TLN2: variants seen among roughly 807,000 people sequenced by gnomAD.
TLN2 encodes talin-2.
Under a neutral mutation model 294.7 loss-of-function variants are expected in TLN2, and 118 were observed. That is an observed-to-expected ratio of 0.40 (90% CI 0.34 to 0.47). TLN2 has a LOEUF of 0.47. Ranked by LOEUF, TLN2 falls within the 20% of genes least tolerant of loss-of-function variation. TLN2 has a pLI of 0.84. For missense variants in TLN2, 3,083 were observed against 3,282.2 expected (o/e 0.94, Z 1.48); for synonymous variants, 1,431 against 1,304.5 (o/e 1.10, Z -2.09).
intron 43 of TLN2, among the ~76,000 whole-genome samples, chr15:62,778,271 C>G (rs895625501): frequency 6.6e-6 from 1 of 152,206 alleles, no homozygotes; most frequent in Admixed American, 6.5e-5. Flanking sequence ...GTGGGCTTCT[C>G]ATGCTGCAAA....
At chr15:62,544,970 C>G (rs2041908821) in intron 1 of TLN2, among the ~76,000 whole-genome samples, 1 of 151,984 alleles carries the variant, frequency 6.6e-6, no homozygotes, top group South Asian at 2.1e-4. Flanking sequence ...CGCTCTGTCG[C>G]CCAAGCTGGA....
intron 1 of TLN2, among the ~76,000 whole-genome samples, chr15:62,486,954 A>G (rs1288378811): frequency 1.3e-5 from 2 of 152,144 alleles, no homozygotes; most frequent in Non-Finnish European, 2.9e-5. Flanking sequence ...ATTTGAACAC[A>G]CCGTTAATCT....
At chr15:62,831,097 G>A (rs914278815) in intron 54 of TLN2, 11 of 149,772 alleles carry the variant, frequency 7.3e-5, no homozygotes, top group Non-Finnish European at 1.3e-4. Flanking sequence ...CGTAAAATCA[G>A]TTGTGATGAG....
Position 62,652,133 on chromosome 15 carries a change from A to C in TLN2, c.363A>C (p.Ile121=). 6.3e-7 allele frequency: 1 copy of C among 1,580,930 alleles called. No individual in the cohort carries two copies. Among genetic ancestry groups the C allele is most frequent in the South Asian group, 1.2e-5 (1 of 84,362 alleles). The change falls in exon 6 of 59, where the codon ATA becomes ATC. Residue 121 remains isoleucine, a splice_region_variant and synonymous_variant. Transcript: ENST00000636159. ...TCCTGGTCACTATTTGTAGCAGAAT[A>C]GGTGAGCATTCATACACCTTCATTA... The part of the protein sequence containing the change: ...GELLVTICSR[I]GITNYEEYSL...
intron 1 of TLN2, among the ~76,000 whole-genome samples, chr15:62,411,507 G>T (rs2033778875): frequency 6.7e-6 from 1 of 149,896 alleles, no homozygotes; most frequent in African/African-American, 2.5e-5. Context: ...GCCCTTGTAG[G>T]CAACCTCAGG....
At chr15:62,631,524 T>C in intron 3 of TLN2, among the ~76,000 whole-genome samples, 1 of 56,106 alleles carries the variant, frequency 1.8e-5, no homozygotes, top group Admixed American at 2.0e-4. Flanking sequence ...CTTTCTTCCT[T>C]TCCTTTCCTT....
At chr15:62,630,587 A>AT (rs564983842) in intron 3 of TLN2, among the ~76,000 whole-genome samples, 10 of 152,024 alleles carry the variant, frequency 6.6e-5, no homozygotes, top group South Asian at 4.2e-4. Context: ...TTTGACATTG[A>AT]TTTTTTTTAT....
At chr15:62,813,058 A>C (rs545613932) in intron 52 of TLN2, among the ~76,000 whole-genome samples, 2 of 152,276 alleles carry the variant, frequency 1.3e-5, no homozygotes, top group South Asian at 4.2e-4. Flanking sequence ...ATCTCATCTC[A>C]TGGAGGCTGG....
At chr15:62,790,975 G>C (rs973528016) in intron 45 of TLN2, among the ~76,000 whole-genome samples, 1 of 152,158 alleles carries the variant, frequency 6.6e-6, no homozygotes. Flanking sequence ...GCTTAATTAT[G>C]AAATGTCTGT....
rs58665636 is a variant in TLN2 at position 62,549,480 on chromosome 15, G to GCATCCATCCATCCATCCATCCATC, written c.-237-40188_-237-40165dup. ...CTCAGAGGCCTGCCATGCATGCCAT[G>GCATCCATCCATCCATCCATCCATC]CATCCATCCATCCATCCATCCATCC... On this transcript the variant is annotated intron_variant, in intron 1 of 58. Transcript: ENST00000636159. Among the ~76,000 whole-genome samples the GCATCCATCCATCCATCCATCCATC allele has an allele frequency of 2.3e-3, 343 of 147,862 alleles. 5 individuals carry two copies. Among genetic ancestry groups the GCATCCATCCATCCATCCATCCATC allele is most frequent in the African/African-American group, 5.9e-3 (236 of 39,708 alleles).
intron 1 of TLN2, among the ~76,000 whole-genome samples, chr15:62,483,308 T>C (rs1193244666): frequency 6.6e-6 from 1 of 152,162 alleles, no homozygotes; most frequent in Non-Finnish European, 1.5e-5. Flanking sequence ...CCCTGCAGGG[T>C]GAGCTCTGCT....
chr15:62,574,163 C>T (rs2044176675), intron 1 of TLN2, among the ~76,000 whole-genome samples: 1 of 150,720 alleles, frequency 6.6e-6, no homozygotes, highest in African/African-American at 2.5e-5. Context: ...TCTCCAGGGA[C>T]TGTCACTTCA....
intron 42 of TLN2, among the ~76,000 whole-genome samples, chr15:62,774,751 A>G (rs2063579418): frequency 6.6e-6 from 1 of 152,150 alleles, no homozygotes. Context: ...ATATGCTTTT[A>G]TAGATTTCAG....
At chr15:62,560,626 A>C (rs905453649) in intron 1 of TLN2, among the ~76,000 whole-genome samples, 2 of 152,212 alleles carry the variant, frequency 1.3e-5, no homozygotes. Flanking sequence ...ATGCCTGGCC[A>C]ATACCCCATG....
intron 1 of TLN2, among the ~76,000 whole-genome samples, chr15:62,551,618 G>A (rs1202700348): frequency 6.6e-6 from 1 of 152,090 alleles, no homozygotes; most frequent in African/African-American, 2.4e-5. Flanking sequence ...AGAATCACTT[G>A]AACCTGGGAG....
intron 54 of TLN2, chr15:62,824,040 C>A: frequency 1.9e-6 from 1 of 522,328 alleles, no homozygotes; most frequent in Non-Finnish European, 4.0e-6. Context: ...CAGTGTCTTG[C>A]CCTGTCTCCG....
At chr15:62,623,072 G>A (rs2048973453) in intron 3 of TLN2, among the ~76,000 whole-genome samples, 1 of 152,186 alleles carries the variant, frequency 6.6e-6, no homozygotes, top group Non-Finnish European at 1.5e-5. Flanking sequence ...GTCACTAAGT[G>A]GATTTACTTT....
At chr15:62,451,451 T>A (rs545442915) in intron 1 of TLN2, among the ~76,000 whole-genome samples, 1 of 152,130 alleles carries the variant, frequency 6.6e-6, no homozygotes, top group South Asian at 2.1e-4. Context: ...GGTCAGGAGA[T>A]CTAGACCATC....
chr15:62,819,387 G>A, intron 52 of TLN2, 129 bp from the exon 53 acceptor site: 1 of 713,392 alleles, frequency 1.4e-6, no homozygotes, highest in South Asian at 1.7e-5. Flanking sequence ...AGGCTCTGAA[G>A]TCACTTGGGA....
Sources: gnomAD v4.1 joint callset for allele counts (sites outside exome capture counted in the v4.1 genomes callset) on GRCh38, gnomAD v4.1.1 for gene constraint, MANE v1.5 for transcripts, NCBI Gene and HGNC (gene_info 2026-07-23, HGNC 2026-07-21) for gene names.